Variants in KCNH1 observed in about 807,000 individuals in gnomAD.
KCNH1 encodes the protein potassium voltage-gated channel subfamily H member 1, also known as voltage-gated delayed rectifier potassium channel KCNH1.
A neutral mutation model predicts 69.2 loss-of-function variants in KCNH1; 27 were observed. The observed-to-expected ratio is 0.39, with a 90% confidence interval of 0.29 to 0.54. The LOEUF (loss-of-function observed/expected upper bound fraction) is 0.54. Ranked by LOEUF, KCNH1 falls within the 20% of genes least tolerant of loss-of-function variation. The pLI is 0.68. For synonymous variants in KCNH1, 456 were observed against 487.7 expected, an observed-to-expected ratio of 0.93 and a Z score of 0.86; for missense variants, 798 against 1,261.6, an observed-to-expected ratio of 0.63 and a Z score of 5.57.
intron 5 of KCNH1, among the ~76,000 whole-genome samples, chr1:211,045,806 A>C (rs1218515388): frequency 6.6e-6 from 1 of 152,224 alleles, no homozygotes; most frequent in African/African-American, 2.4e-5. Context: ...TGTATAAGTG[A>C]AACTTTGTGC....
intron 4 of KCNH1, among the ~76,000 whole-genome samples, chr1:211,090,359 C>T (rs1276869195): frequency 6.6e-6 from 1 of 152,168 alleles, no homozygotes; most frequent in Non-Finnish European, 1.5e-5. Context: ...GATTCAAATG[C>T]TTTCCTAAAC....
At chr1:210,870,836 G>C (rs1177495506) in intron 7 of KCNH1, among the ~76,000 whole-genome samples, 3 of 152,084 alleles carry the variant, frequency 2.0e-5, no homozygotes, top group Non-Finnish European at 4.4e-5. Flanking sequence ...ATAGAAATGA[G>C]ATCATTCGGC....
At chr1:210,974,755 G>A (rs1427582092) in intron 6 of KCNH1, among the ~76,000 whole-genome samples, 1 of 151,678 alleles carries the variant, frequency 6.6e-6, no homozygotes, top group African/African-American at 2.4e-5. Flanking sequence ...GTAAAGACGG[G>A]GTTTCACTGT....
At position 210,902,795 on chromosome 1, in the gene KCNH1, C is replaced by T. The variant is rs73071549; in HGVS notation, c.1462+16845G>A. Among the ~76,000 whole-genome samples, 530 of 152,288 alleles carry T rather than the reference C, an allele frequency of 3.5e-3. 4 individuals are homozygous for T. Among genetic ancestry groups the T allele is most frequent in the African/African-American group, 0.013 (520 of 41,562 alleles). On this transcript the variant is annotated intron_variant, in intron 7 of 10. Transcript: ENST00000271751. ...GTTCTCTCCATTCCCACTACCACTGCCTTTGCTCAGACAATCACTGTTTCT... is the reference window on the plus strand; with the variant it reads ...GTTCTCTCCATTCCCACTACCACTGTCTTTGCTCAGACAATCACTGTTTCT...
chr1:210,775,203 C>G (rs911056120), intron 10 of KCNH1, 145 bp downstream of exon 10: 2 of 666,650 alleles, frequency 3.0e-6, no homozygotes, highest in Admixed American at 5.9e-5. Context: ...TAGCAAAAGC[C>G]CCGCAGAGCA....
intron 7 of KCNH1, 120 bp from the exon 8 acceptor site, chr1:210,804,286 C>T: frequency 1.3e-6 from 1 of 777,308 alleles, no homozygotes; most frequent in Non-Finnish European, 2.1e-6. Context: ...CTCCCCAGTG[C>T]AGACTGCCCT....
At chr1:210,865,527 A>C (rs1487170123) in intron 7 of KCNH1, among the ~76,000 whole-genome samples, 1 of 152,252 alleles carries the variant, frequency 6.6e-6, no homozygotes, top group Non-Finnish European at 1.5e-5. Context: ...AAGAAAAAAA[A>C]AAGGCAGCTG....
At chr1:210,752,995 G>A (rs1353539732) in intron 10 of KCNH1, among the ~76,000 whole-genome samples, 1 of 152,104 alleles carries the variant, frequency 6.6e-6, no homozygotes, top group East Asian at 1.9e-4. Flanking sequence ...GAATGATGTG[G>A]TCACAAGCCA....
chr1:210,888,206 G>T (rs1018542740), intron 7 of KCNH1, among the ~76,000 whole-genome samples: 1 of 152,056 alleles, frequency 6.6e-6, no homozygotes. Context: ...ATAACAAACA[G>T]TCTGTCAGAC....
rs546343047 is a variant in KCNH1, at chr1:210,892,218, GA to G, written c.1462+27421del. Among the ~76,000 whole-genome samples the G allele has an allele frequency of 4.9e-4, 71 of 144,294 alleles. 2 individuals are homozygous for G. Among genetic ancestry groups the G allele is most frequent in the South Asian group, 3.8e-3 (17 of 4,502 alleles). 94.7% of individuals were successfully genotyped at this position (144,294 alleles called of 152,430 possible). On this transcript the variant is annotated intron_variant, in intron 7 of 10. Transcript: ENST00000271751. ...CCCAGAACTTAAAGTATATATATAT[GA>G]AAAAAAAAAACAACCCTTATATCCT...
chr1:211,094,646 C>A (rs1405866488), intron 3 of KCNH1, among the ~76,000 whole-genome samples: 1 of 152,216 alleles, frequency 6.6e-6, no homozygotes, highest in African/African-American at 2.4e-5. Flanking sequence ...TGCATCGCTC[C>A]ACTCCAGGGA....
chr1:211,024,631 C>G (rs1239205888), intron 5 of KCNH1, among the ~76,000 whole-genome samples: 5 of 152,164 alleles, frequency 3.3e-5, no homozygotes, highest in Non-Finnish European at 7.3e-5. Flanking sequence ...TCTAAAAGAT[C>G]ACCCTGGCTG....
chr1:210,912,915 G>T (rs1208394761), intron 7 of KCNH1, among the ~76,000 whole-genome samples: 3 of 152,202 alleles, frequency 2.0e-5, no homozygotes, highest in Non-Finnish European at 4.4e-5. Flanking sequence ...GGACCAAATA[G>T]CAGGCAAAAA....
intron 6 of KCNH1, among the ~76,000 whole-genome samples, chr1:211,005,295 A>C (rs1689260187): frequency 6.6e-6 from 1 of 152,196 alleles, no homozygotes; most frequent in Admixed American, 6.5e-5. Context: ...GGAAAATTCC[A>C]AGCCCAGATT....
chr1:210,924,430 A>G (rs1022916721), intron 6 of KCNH1, among the ~76,000 whole-genome samples: 1 of 152,194 alleles, frequency 6.6e-6, no homozygotes, highest in Admixed American at 6.5e-5. Context: ...TTATTTATCT[A>G]TGTGTACATT....
At chr1:210,689,885 GGGCAGCC>G (rs1340638307) in intron 10 of KCNH1, among the ~76,000 whole-genome samples, 1 of 152,234 alleles carries the variant, frequency 6.6e-6, no homozygotes, top group Admixed American at 6.5e-5. Context: ...ATTCTGACAT[GGGCAGCC>G]TGACCCAGGT....
intron 5 of KCNH1, among the ~76,000 whole-genome samples, chr1:211,071,533 T>C (rs1690642864): frequency 6.6e-6 from 1 of 152,218 alleles, no homozygotes; most frequent in Non-Finnish European, 1.5e-5. Context: ...AAGTGTATAC[T>C]TTAGTTCATG....
At position 210,986,106 on chromosome 1, in the gene KCNH1, C is replaced by T. The variant is rs181078834; in HGVS notation, c.1032+32677G>A. ...TTTTATCAGAGACTAGGATTGCAAC[C>T]CCTGCCTTTTTTTGTTCTCCATTTG... On this transcript the variant is annotated intron_variant, in intron 6 of 10. Coordinates refer to ENST00000271751, the MANE Select transcript of KCNH1 (RefSeq NM_172362.3). 6.6e-5 allele frequency among the ~76,000 whole-genome samples: 10 copies of T among 152,120 alleles called. No individual in the cohort carries two copies. In the East Asian group the frequency reaches 1.9e-3, roughly 29 times the overall value.
intron 6 of KCNH1, among the ~76,000 whole-genome samples, chr1:211,014,259 C>T (rs1298595604): frequency 6.6e-6 from 1 of 152,188 alleles, no homozygotes; most frequent in Non-Finnish European, 1.5e-5. Flanking sequence ...ACGAAGCACA[C>T]TAGCCCAACA....
Sources: gnomAD v4.1 joint callset for allele counts (sites outside exome capture counted in the v4.1 genomes callset) on GRCh38, gnomAD v4.1.1 for gene constraint, MANE v1.5 for transcripts, NCBI Gene and HGNC (gene_info 2026-07-23, HGNC 2026-07-21) for gene names.